ACIN1: variants seen among roughly 807,000 people sequenced by gnomAD.
ACIN1 encodes the protein apoptotic chromatin condensation inducer in the nucleus.
Under a neutral mutation model 146.6 loss-of-function variants are expected in ACIN1, and 16 were observed. The ratio of observed to expected loss-of-function variants is 0.11; its 90% CI spans 0.07 to 0.17. The LOEUF (loss-of-function observed/expected upper bound fraction) is 0.17. ACIN1 is among the 10% of genes least tolerant of loss of function. The probability of loss-of-function intolerance (pLI) is 1.00; values close to 1 mark genes in which losing one functional copy is unlikely to be tolerated. For synonymous variants in ACIN1, 569 were observed against 582.7 expected, an observed-to-expected ratio of 0.98 and a Z score of 0.34; for missense variants, 1,357 against 1,609.3, an observed-to-expected ratio of 0.84 and a Z score of 2.68.
rs1032209838 is a variant in ACIN1, at chr14:23,059,225, C to T, written c.3775G>A (p.Asp1259Asn). The T allele has an allele frequency of 6.8e-6, 11 of 1,614,016 alleles. No individual in the cohort carries two copies. Among genetic ancestry groups the T allele is most frequent in the Non-Finnish European group, 8.5e-6 (10 of 1,179,968 alleles). The change falls in exon 19 of 19, where the codon GAT becomes AAT. Residue 1259 changes from aspartate (D) to asparagine (N), a missense_variant. Physicochemically the swap from Asp to Asn is conservative, Grantham distance 23. Around this residue, in one of 4 missense-constraint regions of ACIN1, gnomAD observed 509 missense variants for 719.6 expected, o/e 0.71. Transcript: ENST00000605057. ...CTGTGGCGCTTGGTGTCCCTGCGAT[C>T]CCTTTCCCTGCCTCGTTCTCGGTCC... ...ERDRERGRER[D>N]RRDTKRHSRS...
chr14:23,059,881 T>A (rs2047217286), intron 18 of ACIN1, among the ~76,000 whole-genome samples: 1 of 150,974 alleles, frequency 6.6e-6, no homozygotes, highest in African/African-American at 2.4e-5. Context: ...GGTCTTGATC[T>A]CCTGACCTCG....
intron 8 of ACIN1, among the ~76,000 whole-genome samples, chr14:23,075,065 A>G (rs1235924835): frequency 6.6e-6 from 1 of 152,180 alleles, no homozygotes; most frequent in Admixed American, 6.5e-5. Flanking sequence ...CTGCTTTTTC[A>G]TGCATCATTT....
intron 6 of ACIN1, 131 bp downstream of exon 6, chr14:23,079,416 A>T (rs2047884001): frequency 7.0e-7 from 1 of 1,426,066 alleles, no homozygotes; most frequent in African/African-American, 1.4e-5. Flanking sequence ...AGGAGAAAGT[A>T]ATCAGTGAAG....
Position 23,068,141 on chromosome 14 carries a change from A to G in ACIN1, c.2265+1335T>C, listed in dbSNP as rs114880247. ...GGGCTGTCATCAGCATTAAATCCCC[A>G]GGGGCTCAGACCCTAGACTCCTCTG... On this transcript the variant is annotated intron_variant, in intron 9 of 18. Coordinates refer to ENST00000605057, the MANE Select transcript of ACIN1 (RefSeq NM_001386863.1). This position sits in a 1 kb window ranked among gnomAD's most constrained non-coding sequence, Gnocchi z 4.3. 2,135 of 985,910 alleles carry G rather than the reference A, an allele frequency of 2.2e-3. 45 individuals are homozygous for G. The African/African-American group carries it at 0.034, about 16-fold the overall frequency. 61.1% of individuals were successfully genotyped at this position (985,910 alleles called of 1,614,324 possible).
rs889564030 is a variant in ACIN1 at position 23,082,785 on chromosome 14, G to T, written c.437-949C>A. On this transcript the variant is annotated intron_variant, in intron 4 of 18. Transcript: ENST00000605057. ...ACAGAGTTTTGCTCTTGTTGCCCAG[G>T]ATGGAGTGCAATGGCATGATCTAGG... Among the ~76,000 whole-genome samples the T allele has an allele frequency of 2.0e-5, 3 of 150,670 alleles. No individual in the cohort carries two copies. In the Admixed American group the frequency reaches 2.0e-4, roughly 10 times the overall value.
At position 23,095,050 on chromosome 14, in the gene ACIN1, G is replaced by T; in HGVS notation, c.63C>A (p.Asp21Glu). 1 of 1,613,758 alleles carries T rather than the reference G, an allele frequency of 6.2e-7. No individual in the cohort carries two copies. The highest frequency in any genetic ancestry group is 1.7e-5 in the Admixed American group (1 of 60,026). ...CTCGCTGCTCCAGTGCGGCCTTCAG[G>T]TCGGTCACCCGCAGCGCCTGAAGAG... ...GKPLQALRVT[D>E]LKAALEQRGL... Residue 21 changes from aspartate (D) to glutamate (E), a missense_variant, in exon 1 of 19, where the codon GAC (aspartate) becomes GAA (glutamate). Physicochemically the swap from Asp to Glu is conservative, Grantham distance 45. Coordinates refer to ENST00000605057, the MANE Select transcript of ACIN1 (RefSeq NM_001386863.1).
At chr14:23,062,805 A>C in intron 14 of ACIN1, 124 bp downstream of exon 14, 2 of 1,151,448 alleles carry the variant, frequency 1.7e-6, no homozygotes, top group Non-Finnish European at 2.5e-6. Context: ...AACTCACTCA[A>C]GATCAGTGAG....
rs750420657 is a variant in ACIN1, at chr14:23,064,163, C to T, written c.2537G>A (p.Arg846His). 1.5e-5 allele frequency: 25 copies of T among 1,614,178 alleles called. 1 individual carries two copies. The highest frequency in any genetic ancestry group is 1.4e-4 in the South Asian group (13 of 91,080). ...DSRISEDETE[R>H]NGDDGTHDKG... ...GTCATGGGTCCCATCATCGCCATTA[C>T]GCTCTGTCTCATCCTCAGAGATGCG... The change falls in exon 12 of 19, where the codon CGT (arginine) becomes CAT (histidine). Residue 846 changes from arginine (R) to histidine (H), a missense_variant. Arg to His is a conservative substitution (Grantham distance 29). Coordinates refer to ENST00000605057, the MANE Select transcript of ACIN1 (RefSeq NM_001386863.1).
chr14:23,059,321 G>T lies in ACIN1; in HGVS notation c.3679C>A (p.Arg1227=), dbSNP rs769705099. The T allele has an allele frequency of 1.2e-6, 2 of 1,601,040 alleles. No homozygotes were observed. Among genetic ancestry groups the T allele is most frequent in the Non-Finnish European group, 1.7e-6 (2 of 1,168,432 alleles). The stretch of plus-strand genomic sequence containing the variant: ...CTCTCTCTCTCCCTGTCCCTCTCCC[G>T]ACTGTGCTCCCGACGTTTCTCTCGC... ...LEREKRREHS[R]ERDRERERER... Residue 1227 remains arginine, a synonymous_variant, in exon 19 of 19, where the codon CGG becomes AGG. Coordinates refer to ENST00000605057, the MANE Select transcript of ACIN1 (RefSeq NM_001386863.1).
In ACIN1 at chr14:23,061,290, G is replaced by T; in HGVS notation, c.3424+8C>A. 1 of 1,613,760 alleles carries T rather than the reference G, an allele frequency of 6.2e-7. No homozygotes were observed. Among genetic ancestry groups the T allele is most frequent in the Non-Finnish European group, 8.5e-7 (1 of 1,179,776 alleles). ...GTGGGTATGCGTACCCCATAGCTAA[G>T]TACCTACCTTTCTTCTCACTCTTCT... On this transcript the variant is annotated splice_region_variant and intron_variant, in intron 17 of 18. Coordinates refer to ENST00000605057, the MANE Select transcript of ACIN1 (RefSeq NM_001386863.1).
chr14:23,071,667 G>A (rs938298480), intron 8 of ACIN1: 1 of 1,149,744 alleles, frequency 8.7e-7, no homozygotes, highest in Non-Finnish European at 1.2e-6. Flanking sequence ...TTATCCTTTG[G>A]CAGGCCACAG....
At chr14:23,062,089 T>A (rs1381020572) in intron 16 of ACIN1, 79 bp downstream of exon 16, 3 of 1,200,340 alleles carry the variant, frequency 2.5e-6, no homozygotes, top group African/African-American at 3.0e-5. Context: ...ACTGCAGGTC[T>A]GGCAAGGATC....
chr14:23,069,620 G>A lies in ACIN1; in HGVS notation c.2124-3C>T. The A allele has an allele frequency of 2.8e-6, 2 of 719,478 alleles. No individual in the cohort carries two copies. Among genetic ancestry groups the A allele is most frequent in the Admixed American group, 4.1e-5 (2 of 48,876 alleles). The allele number at this position is 719,478 out of a possible 1,614,324, so 44.6% of individuals were successfully genotyped here. ...TGGTCACTTCCTCCTTCTCCTCACT[G>A]ACAGGAGGGGGGAGTGGTGGTGGGG... is the stretch of plus-strand genomic sequence containing the variant. On this transcript the variant is annotated splice_polypyrimidine_tract_variant and splice_region_variant and intron_variant, in intron 8 of 18. Coordinates refer to ENST00000605057, the MANE Select transcript of ACIN1 (RefSeq NM_001386863.1).
rs1364979634 is a variant in ACIN1 at position 23,059,193 on chromosome 14, G to A, written c.3807C>T (p.Ser1269=). Residue 1269 remains serine (S), a synonymous_variant, in exon 19 of 19, where the codon AGC becomes AGT. Transcript: ENST00000605057. ...CCCGCACAGGTGTGCTCCGACTCCG[G>A]CTTCTGCTGTGGCGCTTGGTGTCCC... is the stretch of plus-strand genomic sequence containing the variant. ...DRRDTKRHSR[S]RSRSTPVRDR... is the part of the protein sequence containing the mutation. 5.0e-6 allele frequency: 8 copies of A among 1,613,916 alleles called. No homozygotes were observed. Among genetic ancestry groups the A allele is most frequent in the South Asian group, 1.1e-5 (1 of 91,052 alleles).
intron 14 of ACIN1, 189 bp downstream of exon 14, chr14:23,062,740 C>T (rs1057123722): frequency 1.2e-6 from 1 of 839,752 alleles, no homozygotes; most frequent in Non-Finnish European, 1.8e-6. Flanking sequence ...CTCAAAACAA[C>T]CCTGCAGGGC....
At position 23,059,273 on chromosome 14, in the gene ACIN1, C is replaced by A. The variant is rs374690844; in HGVS notation, c.3727G>T (p.Asp1243Tyr). ...RERERERDRG[D>Y]RDRDRERDRE... ...TCCCTTTCCCTATCCCGATCTCGGT[C>A]CCCCCTGTCCCGCTCCCTTTCTCTC... is the stretch of plus-strand genomic sequence containing the variant. The change falls in exon 19 of 19, where the codon GAC (aspartate) becomes TAC (tyrosine). Residue 1243 changes from aspartate to tyrosine, a missense_variant. By Grantham distance (160) the Asp-to-Tyr change is radical (BLOSUM62 -3). Coordinates refer to ENST00000605057, the MANE Select transcript of ACIN1 (RefSeq NM_001386863.1). 4 of 1,603,844 alleles carry A rather than the reference C, an allele frequency of 2.5e-6. No individual in the cohort carries two copies. The highest frequency in any genetic ancestry group is 2.7e-5 in the African/African-American group (2 of 74,690).
chr14:23,078,374 G>C, intron 7 of ACIN1, 108 bp from the exon 8 acceptor site: 1 of 785,594 alleles, frequency 1.3e-6, no homozygotes, highest in Non-Finnish European at 2.1e-6. Context: ...CACAGTACCA[G>C]CTCCACACAC....
Position 23,080,564 on chromosome 14 carries a change from T to C in ACIN1, c.771A>G (p.Lys257=). The part of the protein sequence containing the change: ...KEEGEEIPRV[K]PEEMMDERPK... Reference sequence around the variant, plus strand: ...GTCTCTCATCCATCATCTCCTCTGGTTTTACTCTAGGTATCTCTTCCCCTT... The same window carrying C: ...GTCTCTCATCCATCATCTCCTCTGGCTTTACTCTAGGTATCTCTTCCCCTT... The change falls in exon 6 of 19, where the codon AAA becomes AAG. Residue 257 remains lysine (K), a synonymous_variant. Coordinates refer to ENST00000605057, the MANE Select transcript of ACIN1 (RefSeq NM_001386863.1). 6.2e-7 allele frequency: 1 copy of C among 1,614,086 alleles called. No homozygotes were observed. Among genetic ancestry groups the C allele is most frequent in the East Asian group, 2.2e-5 (1 of 44,876 alleles).
At chr14:23,060,656 C>T (rs139748078) in intron 18 of ACIN1, among the ~76,000 whole-genome samples, 4 of 152,228 alleles carry the variant, frequency 2.6e-5, no homozygotes, top group East Asian at 3.9e-4. Flanking sequence ...GGATTACGGG[C>T]GCTTGCCACT....
Sources: gnomAD v4.1 joint callset for allele counts (sites outside exome capture counted in the v4.1 genomes callset) on GRCh38, gnomAD v4.1.1 for gene constraint, gnomAD v4.1.1 regional missense constraint, Gnocchi (gnomAD v3.1) non-coding constraint, MANE v1.5 for transcripts, NCBI Gene and HGNC (gene_info 2026-07-23, HGNC 2026-07-21) for gene names.